RABIF: variants seen among roughly 807,000 people sequenced by gnomAD.
The protein encoded by RABIF is RAB interacting factor.
RABIF carries 13 observed loss-of-function variants against 12.3 expected under a neutral mutation model. The ratio of observed to expected loss-of-function variants is 1.06; its 90% confidence interval spans 0.69 to 1.68. RABIF has a LOEUF of 1.68. Among genes scored for constraint, RABIF ranks in the 40% most tolerant of loss-of-function variants. The pLI is 0.00. For synonymous variants in RABIF, 70 were observed against 63.3 expected, an observed-to-expected ratio of 1.11 and a Z score of -0.50; for missense variants, 153 against 158.0, an observed-to-expected ratio of 0.97 and a Z score of 0.17.
intron 1 of RABIF, among the ~76,000 whole-genome samples, chr1:202,885,108 A>AG (rs1659542091): frequency 6.6e-6 from 1 of 151,418 alleles, no homozygotes; most frequent in South Asian, 2.1e-4. Context: ...AAAAAAAAAA[A>AG]AAAAAGAAAA....
At chr1:202,885,273 T>C (rs752531056) in intron 1 of RABIF, among the ~76,000 whole-genome samples, 1 of 152,142 alleles carries the variant, frequency 6.6e-6, no homozygotes, top group African/African-American at 2.4e-5. Flanking sequence ...CACACTACTT[T>C]AGACTAAAGA....
chr1:202,885,171 T>G (rs2102397068), intron 1 of RABIF, among the ~76,000 whole-genome samples: 1 of 151,162 alleles, frequency 6.6e-6, no homozygotes, highest in South Asian at 2.1e-4. Context: ...TAGATGCCAG[T>G]AGCACACCTC....
At position 202,881,027 on chromosome 1, in the gene RABIF, T is replaced by C. The variant is rs758615811; in HGVS notation, c.323A>G (p.Asp108Gly). Residue 108 changes from aspartate to glycine, a missense_variant, in exon 2 of 2, where the codon GAT (aspartate) becomes GGT (glycine). Transcript: ENST00000367262. ...GGCCACATAGAAACTGTTCTTGTCA[T>C]CTAGGCAATGCCAGCCAATTGGTCC... ...EIGPIGWHCL[D>G]DKNSFYVALE... 18 of 1,614,046 alleles carry C rather than the reference T, an allele frequency of 1.1e-5. No homozygotes were observed. The highest frequency in any genetic ancestry group is 1.4e-5 in the Non-Finnish European group (17 of 1,180,016).
chr1:202,884,897 C>T (rs547985121), intron 1 of RABIF, among the ~76,000 whole-genome samples: 1 of 152,012 alleles, frequency 6.6e-6, no homozygotes, highest in African/African-American at 2.4e-5. Flanking sequence ...CCAGCCTGGC[C>T]AACATGGCGA....
chr1:202,882,740 G>A (rs748474547), intron 1 of RABIF, among the ~76,000 whole-genome samples: 6 of 151,820 alleles, frequency 4.0e-5, no homozygotes, highest in South Asian at 2.1e-4. Context: ...TATTTACCAC[G>A]TGTCTACCTC....
intron 1 of RABIF, among the ~76,000 whole-genome samples, chr1:202,883,299 T>C (rs1571504431): frequency 6.6e-6 from 1 of 152,218 alleles, no homozygotes; most frequent in Non-Finnish European, 1.5e-5. Flanking sequence ...CCCAAGTAAC[T>C]GGGGTTACAG....
At chr1:202,883,075 T>C (rs1326707866) in intron 1 of RABIF, among the ~76,000 whole-genome samples, 1 of 152,214 alleles carries the variant, frequency 6.6e-6, no homozygotes, top group African/African-American at 2.4e-5. Context: ...GGATAGTGTA[T>C]ACACTCTTAG....
chr1:202,887,560 C>T (rs1659582087), intron 1 of RABIF, among the ~76,000 whole-genome samples: 1 of 150,032 alleles, frequency 6.7e-6, no homozygotes, highest in Admixed American at 6.7e-5. Flanking sequence ...TGCAGTGACT[C>T]AATCTCCGCT....
chr1:202,887,797 C>T (rs1248912600), intron 1 of RABIF, among the ~76,000 whole-genome samples: 1 of 152,152 alleles, frequency 6.6e-6, no homozygotes, highest in Non-Finnish European at 1.5e-5. Context: ...AGCCACCGCG[C>T]CCAGCCTAAC....
At chr1:202,885,467 T>A (rs1345537481) in intron 1 of RABIF, among the ~76,000 whole-genome samples, 20 of 152,254 alleles carry the variant, frequency 1.3e-4, no homozygotes, top group Admixed American at 1.3e-3. Flanking sequence ...GCTTAACGGC[T>A]GGGAGCGCTC....
chr1:202,888,167 T>C (rs140840666), intron 1 of RABIF, among the ~76,000 whole-genome samples: 7 of 152,304 alleles, frequency 4.6e-5, no homozygotes, highest in South Asian at 2.1e-4. Flanking sequence ...TTTTGAATGA[T>C]AGGATGTGTC....
rs531165718 is a variant in RABIF at position 202,879,068 on chromosome 1, T to C, written c.*1910A>G. 9 of 152,302 alleles carry C rather than the reference T, an allele frequency of 5.9e-5. No individual in the cohort carries two copies. The highest frequency in any genetic ancestry group is 1.3e-4 in the Admixed American group (2 of 15,294). The allele number at this position is 152,302 out of a possible 1,614,324, so 9.4% of individuals were successfully genotyped here. ...ATTTGGCAGTTCTCAAAAAAGGAAATAGAAATGACCGATACGTATATAAAA... is the reference window on the plus strand; with the variant it reads ...ATTTGGCAGTTCTCAAAAAAGGAAACAGAAATGACCGATACGTATATAAAA... On this transcript the variant is annotated 3_prime_UTR_variant, in exon 2 of 2. Coordinates refer to ENST00000367262, the MANE Select transcript of RABIF (RefSeq NM_002871.5).
Position 202,889,021 on chromosome 1 carries a change from G to T in RABIF, c.78C>A (p.Cys26Ter), listed in dbSNP as rs780851327. The T allele has an allele frequency of 6.2e-7, 1 of 1,603,358 alleles. No individual in the cohort carries two copies. The highest frequency in any genetic ancestry group is 8.5e-7 in the Non-Finnish European group (1 of 1,175,684). Residue 26 changes from cysteine to a stop codon, truncating the protein, a stop_gained, in exon 1 of 2, where the codon TGC becomes TGA. Transcript: ENST00000367262. LOFTEE classifies it high-confidence loss of function. The part of the protein sequence containing the change: ...RNRKAVLCQR[C>*]GSRVLQPGTA... ...TCCCTGGCTGCAGCACCCGGGAGCC[G>T]CAACGCTGGCACAGCACCGCCTTCC... is the stretch of plus-strand genomic sequence containing the variant.
chr1:202,880,783 A>G lies in RABIF; in HGVS notation c.*195T>C. On this transcript the variant is annotated 3_prime_UTR_variant, in exon 2 of 2. Transcript: ENST00000367262. ...GCTTAGGAAATGTGATACAAAGTGAACTAAGCAGGAGGCATGTACTTGAGG... is the reference window on the plus strand; with the variant it reads ...GCTTAGGAAATGTGATACAAAGTGAGCTAAGCAGGAGGCATGTACTTGAGG... The G allele has an allele frequency of 7.4e-7, 1 of 1,354,328 alleles. No individual in the cohort carries two copies. Among genetic ancestry groups the G allele is most frequent in the Non-Finnish European group, 9.5e-7 (1 of 1,051,656 alleles). 83.9% of individuals were successfully genotyped at this position (1,354,328 alleles called of 1,614,324 possible). A position where few individuals can be genotyped will look rare whatever the true frequency, so the allele number is the denominator to read the frequency against.
intron 1 of RABIF, among the ~76,000 whole-genome samples, chr1:202,885,585 C>T (rs1197614363): frequency 1.3e-5 from 2 of 152,250 alleles, no homozygotes; most frequent in African/African-American, 2.4e-5. Context: ...CGAACCTTTA[C>T]GGGGTTTACC....
chr1:202,888,926 G>C, intron 1 of RABIF, 47 bp downstream of exon 1: 1 of 1,476,670 alleles, frequency 6.8e-7, no homozygotes, highest in Non-Finnish European at 9.0e-7. Flanking sequence ...GCGGCGGCTC[G>C]TCGGGGGAGA....
intron 1 of RABIF, 145 bp downstream of exon 1, chr1:202,888,828 C>T (rs1659604684): frequency 5.9e-6 from 7 of 1,177,636 alleles, no homozygotes; most frequent in Non-Finnish European, 5.6e-6. Flanking sequence ...GGAGCCTCGC[C>T]GAGCTGAGGC....
intron 1 of RABIF, among the ~76,000 whole-genome samples, chr1:202,885,873 C>T (rs1227336812): frequency 3.3e-5 from 5 of 151,582 alleles, no homozygotes; most frequent in Non-Finnish European, 5.9e-5. Flanking sequence ...TTGCTTGAGT[C>T]CAGAAAAAGG....
chr1:202,886,302 G>C (rs1477471230), intron 1 of RABIF, among the ~76,000 whole-genome samples: 1 of 121,728 alleles, frequency 8.2e-6, no homozygotes, highest in Non-Finnish European at 1.8e-5. Flanking sequence ...GGAGGGGAGG[G>C]GGAGGGGATG....
Sources: allele counts gnomAD v4.1 joint callset (sites outside exome capture counted in the v4.1 genomes callset), GRCh38; gene constraint gnomAD v4.1.1; transcripts MANE v1.5; gene names NCBI Gene and HGNC (gene_info 2026-07-23, HGNC 2026-07-21).